EEIG1: variants seen among roughly 807,000 people sequenced by gnomAD.
The protein encoded by EEIG1 is estrogen-induced osteoclastogenesis regulator 1, also known as early estrogen-induced gene 1 protein.
the EEIG1 span, chr9:127,948,501 T>C: frequency 7.5e-7 from 1 of 1,327,918 alleles, no homozygotes; most frequent in Non-Finnish European, 1.1e-6. Flanking sequence ...GGCTCTGGCC[T>C]CAGAAGGGCT....
chr9:127,967,260 G>A, the EEIG1 span, among the ~76,000 whole-genome samples: 7 of 152,150 alleles, frequency 4.6e-5, no homozygotes, highest in African/African-American at 1.7e-4. Context: ...TTCCAAAGAT[G>A]AGCGCTCCAT....
At chr9:127,967,132 G>A in the EEIG1 span, among the ~76,000 whole-genome samples, 1 of 152,182 alleles carries the variant, frequency 6.6e-6, no homozygotes, top group African/African-American at 2.4e-5. Flanking sequence ...GGGGCCAATG[G>A]GGTGTGGCTC....
the EEIG1 span, chr9:127,941,859 G>GA: frequency 6.6e-6 from 1 of 152,188 alleles, no homozygotes; most frequent in Non-Finnish European, 1.5e-5. Flanking sequence ...AAGACGGAAA[G>GA]AAAAAATGAA....
chr9:127,941,381 ACAGAACT>A, the EEIG1 span: 3 of 152,548 alleles, frequency 2.0e-5, no homozygotes, highest in African/African-American at 7.2e-5. Context: ...GAAGGGCAGG[ACAGAACT>A]CCCCATCTTC....
At chr9:127,980,353 CTCGGAGGGGT>C in the EEIG1 span, 1 of 519,764 alleles carries the variant, frequency 1.9e-6, no homozygotes, top group Non-Finnish European at 3.4e-6. Context: ...GGAGCCGGGG[CTCGGAGGGGT>C]TCGGAGCGGC....
chr9:127,950,322 G>C, the EEIG1 span: 11 of 1,193,658 alleles, frequency 9.2e-6, no homozygotes, highest in African/African-American at 1.1e-4. Flanking sequence ...TTCAGGTAAG[G>C]CCTGTATTTT....
At chr9:127,950,534 G>T in the EEIG1 span, 2 of 1,613,842 alleles carry the variant, frequency 1.2e-6, no homozygotes, top group Non-Finnish European at 1.7e-6. Flanking sequence ...AGTCAGCGAA[G>T]CCCAGCTAGG....
At chr9:127,954,968 A>T in the EEIG1 span, among the ~76,000 whole-genome samples, 7 of 152,200 alleles carry the variant, frequency 4.6e-5, no homozygotes, top group Non-Finnish European at 1.0e-4. Flanking sequence ...GGGCCTTGGC[A>T]GGATCTGGGG....
At chr9:127,956,251 C>T in the EEIG1 span, among the ~76,000 whole-genome samples, 13,588 of 152,174 alleles carry the variant, frequency 0.089, 642 homozygotes, top group Middle Eastern at 0.099. Flanking sequence ...CGAACCACAG[C>T]AGTAACCAGC....
chr9:127,972,071 G>A, the EEIG1 span, among the ~76,000 whole-genome samples: 1 of 152,026 alleles, frequency 6.6e-6, no homozygotes, highest in Non-Finnish European at 1.5e-5. The surrounding 1 kb of genome is among the most constrained non-coding windows in gnomAD (Gnocchi z 4.3). Flanking sequence ...CCTCCGTGGA[G>A]GCTGTCTTCT....
At chr9:127,957,815 C>T in the EEIG1 span, among the ~76,000 whole-genome samples, 1 of 152,320 alleles carries the variant, frequency 6.6e-6, no homozygotes, top group Non-Finnish European at 1.5e-5. Context: ...ACCTTAGAGA[C>T]CAGCCTGGCC....
the EEIG1 span, among the ~76,000 whole-genome samples, chr9:127,948,568 C>G: frequency 5.3e-5 from 8 of 152,254 alleles, no homozygotes; most frequent in Admixed American, 5.2e-4. Flanking sequence ...GGCAAAGCCA[C>G]TAACCTCTCT....
chr9:127,963,806 G>A, the EEIG1 span: 2 of 152,358 alleles, frequency 1.3e-5, no homozygotes, highest in Middle Eastern at 6.8e-3. Flanking sequence ...GACACAATGC[G>A]AGCAACCTCC....
the EEIG1 span, among the ~76,000 whole-genome samples, chr9:127,954,287 A>G: frequency 6.6e-6 from 1 of 152,002 alleles, no homozygotes; most frequent in Non-Finnish European, 1.5e-5. Flanking sequence ...ACCTCCTCCA[A>G]AGCCAGGCTC....
chr9:127,951,616 C>A, the EEIG1 span, among the ~76,000 whole-genome samples: 1 of 151,916 alleles, frequency 6.6e-6, no homozygotes, highest in African/African-American at 2.4e-5. Context: ...GAGATCGAGA[C>A]CATCCTGGCG....
the EEIG1 span, among the ~76,000 whole-genome samples, chr9:127,963,196 T>C: frequency 3.9e-5 from 6 of 152,128 alleles, no homozygotes; most frequent in Non-Finnish European, 7.4e-5. Context: ...AAATTGAAAA[T>C]GAGAAAAGGG....
the EEIG1 span, among the ~76,000 whole-genome samples, chr9:127,963,998 G>A: frequency 5.9e-5 from 9 of 152,196 alleles, no homozygotes; most frequent in Non-Finnish European, 1.0e-4. Context: ...AGTCAGCTGG[G>A]TGAAGACCTG....
the EEIG1 span, among the ~76,000 whole-genome samples, chr9:127,970,119 C>CT: frequency 1.0e-3 from 154 of 147,540 alleles, 2 homozygotes; most frequent in Middle Eastern, 0.014. Flanking sequence ...GCATCATACA[C>CT]TTTTTTTTTT....
chr9:127,955,135 C>T, the EEIG1 span, among the ~76,000 whole-genome samples: 1 of 152,228 alleles, frequency 6.6e-6, no homozygotes, highest in Non-Finnish European at 1.5e-5. Flanking sequence ...CACCTAAGCA[C>T]AACCGCCAAG....
Sources: allele counts gnomAD v4.1 joint callset (sites outside exome capture counted in the v4.1 genomes callset), GRCh38; gene constraint gnomAD v4.1.1; non-coding constraint Gnocchi (gnomAD v3.1); transcripts MANE v1.5; gene names NCBI Gene and HGNC (gene_info 2026-07-23, HGNC 2026-07-21).